The following PRKN variants were observed in gnomAD, a reference collection of about 807,000 sequenced individuals.
PRKN encodes E3 ubiquitin-protein ligase parkin.
A neutral mutation model predicts 59.5 loss-of-function variants in PRKN; 56 were observed. That is an observed-to-expected ratio of 0.94 (90% CI 0.76 to 1.18). The LOEUF is 1.18. PRKN is among the 50% of genes most tolerant of loss of function. The probability of loss-of-function intolerance (pLI) is 0.00; values close to 1 mark genes in which losing one functional copy is unlikely to be tolerated. For missense variants in PRKN, 657 were observed against 596.4 expected, an observed-to-expected ratio of 1.10 and a Z score of -1.06; for synonymous variants, 250 against 222.1, an observed-to-expected ratio of 1.13 and a Z score of -1.12.
intron 4 of PRKN, among the ~76,000 whole-genome samples, chr6:162,082,696 C>A (rs978947994): frequency 6.6e-6 from 1 of 152,004 alleles, no homozygotes; most frequent in Non-Finnish European, 1.5e-5. Context: ...GAGAGACGTG[C>A]CATTCCTCCT....
At chr6:161,789,157 A>C (rs1467591130) in intron 6 of PRKN, among the ~76,000 whole-genome samples, 1 of 152,194 alleles carries the variant, frequency 6.6e-6, no homozygotes, top group African/African-American at 2.4e-5. Context: ...AATAAACATG[A>C]CACCAATAAA....
intron 2 of PRKN, among the ~76,000 whole-genome samples, chr6:162,385,407 TC>T (rs1786749136): frequency 6.6e-6 from 1 of 152,172 alleles, no homozygotes; most frequent in South Asian, 2.1e-4. Flanking sequence ...ACAAAAACTT[TC>T]TCTATTACTT....
chr6:162,594,326 C>A (rs13204439), intron 1 of PRKN, among the ~76,000 whole-genome samples: 18,712 of 152,086 alleles, frequency 0.12, 1,259 homozygotes, highest in Middle Eastern at 0.21. Context: ...GTAAAGACTG[C>A]AAATTCTAAA....
rs914974931 is a variant in PRKN, at chr6:162,190,405, A to G, written c.534+10726T>C. On this transcript the variant is annotated intron_variant, in intron 4 of 11. Coordinates refer to ENST00000366898, the MANE Select transcript of PRKN (RefSeq NM_004562.3). ...TACTCTTTTCAGGGAAAGCCTGCAG[A>G]GTAAGTGTCAACTCTCCCTCAACCT... 3.3e-4 allele frequency among the ~76,000 whole-genome samples: 50 copies of G among 152,316 alleles called. 1 individual carries two copies. The highest frequency in any genetic ancestry group is 6.8e-3 in the Middle Eastern group (2 of 294).
chr6:162,725,297 G>T (rs1779100297), intron 1 of PRKN, among the ~76,000 whole-genome samples: 2 of 152,166 alleles, frequency 1.3e-5, no homozygotes, highest in African/African-American at 4.8e-5. Flanking sequence ...TTACATTTTA[G>T]TGATCACTGG....
At chr6:162,519,324 A>C (rs750736447) in intron 1 of PRKN, among the ~76,000 whole-genome samples, 38 of 152,280 alleles carry the variant, frequency 2.5e-4, no homozygotes, top group Middle Eastern at 3.4e-3. Flanking sequence ...GCTGCCTTCC[A>C]TGTTCCAAAG....
intron 1 of PRKN, chr6:162,569,566 C>T (rs1430426001): frequency 1.5e-5 from 11 of 717,416 alleles, no homozygotes; most frequent in Admixed American, 7.0e-5. Context: ...ATGGGGGTCT[C>T]ACAAGCCCTG....
chr6:162,235,946 G>GAAGGAAGGAAGGAAGA (rs1562602137), intron 3 of PRKN, among the ~76,000 whole-genome samples: 5 of 80,754 alleles, frequency 6.2e-5, no homozygotes, highest in African/African-American at 2.8e-4. Flanking sequence ...AGGAAGGAAG[G>GAAGGAAGGAAGGAAGA]AAGGAAGAAA....
chr6:161,826,571 T>C (rs921936436), intron 6 of PRKN, among the ~76,000 whole-genome samples: 1 of 152,206 alleles, frequency 6.6e-6, no homozygotes, highest in African/African-American at 2.4e-5. Context: ...TTTTCTCCTA[T>C]GGAAGGAGGT....
chr6:161,604,532 C>T (rs1041527166), intron 7 of PRKN, among the ~76,000 whole-genome samples: 3 of 152,190 alleles, frequency 2.0e-5, no homozygotes, highest in African/African-American at 7.2e-5. Context: ...GGAGTTTATT[C>T]AGCTGGAGGA....
At chr6:161,946,414 A>ACACACACTCTCTCT (rs1247187053) in intron 6 of PRKN, among the ~76,000 whole-genome samples, 34 of 114,370 alleles carry the variant, frequency 3.0e-4, no homozygotes, top group African/African-American at 1.2e-3. Context: ...ACACACACAC[A>ACACACACTCTCTCT]CTCTCTCTCT....
Position 161,417,457 on chromosome 6 carries a change from A to AG in PRKN, c.1084-30581_1084-30580insC, listed in dbSNP as rs1313420640. 1.3e-5 allele frequency among the ~76,000 whole-genome samples: 2 copies of AG among 151,874 alleles called. No homozygotes were observed. The highest frequency in any genetic ancestry group is 2.9e-5 in the Non-Finnish European group (2 of 67,992). On this transcript the variant is annotated intron_variant, in intron 9 of 11. Transcript: ENST00000366898. This position sits in a 1 kb window ranked among gnomAD's most constrained non-coding sequence, Gnocchi z 5.4. ...GAGCCAGACGCCGTTTCAAAAAAAAAAAAAAAAAGTCATCTAATGCCTCCA... is the reference window on the plus strand; with the variant it reads ...GAGCCAGACGCCGTTTCAAAAAAAAAGAAAAAAAAGTCATCTAATGCCTCCA...
chr6:162,508,142 G>A (rs1363627598), intron 1 of PRKN, among the ~76,000 whole-genome samples: 2 of 152,126 alleles, frequency 1.3e-5, no homozygotes, highest in Non-Finnish European at 2.9e-5. Context: ...ACATGGCAGC[G>A]GCAAGAGAAA....
intron 3 of PRKN, among the ~76,000 whole-genome samples, chr6:162,215,990 A>C (rs1353012231): frequency 6.6e-6 from 1 of 152,028 alleles, no homozygotes; most frequent in African/African-American, 2.4e-5. Context: ...CAGAGGTAGC[A>C]GTGAGCAAGA....
chr6:162,443,285 A>G lies in PRKN; in HGVS notation c.171+25T>C, dbSNP rs2075923. The G allele has an allele frequency of 0.24, 383,859 of 1,610,726 alleles. 47,351 individuals carry two copies. Among genetic ancestry groups the G allele is most frequent in the African/African-American group, 0.39 (29,324 of 74,850 alleles). On this transcript the variant is annotated intron_variant, in intron 2 of 11. Coordinates refer to ENST00000366898, the MANE Select transcript of PRKN (RefSeq NM_004562.3). ...GAGCAATGGAGCTGGCGGCATCCCA[A>G]GAACGGCCGCCAAGGGAGACTCACC...
chr6:162,272,992 T>C (rs1398966063), intron 2 of PRKN, among the ~76,000 whole-genome samples: 1 of 130,928 alleles, frequency 7.6e-6, no homozygotes, highest in Non-Finnish European at 1.6e-5. Flanking sequence ...AGAGTAAGCC[T>C]GTGTCTGAAA....
intron 5 of PRKN, among the ~76,000 whole-genome samples, chr6:162,011,322 A>AT (rs1279664070): frequency 1.2e-3 from 13 of 10,826 alleles, no homozygotes; most frequent in Admixed American, 5.5e-3. Context: ...ATATTTTTAT[A>AT]ATATATATAA....
At chr6:161,465,486 T>C (rs377646308) in intron 9 of PRKN, among the ~76,000 whole-genome samples, 211 of 152,040 alleles carry the variant, frequency 1.4e-3, no homozygotes, top group African/African-American at 4.9e-3. Flanking sequence ...GGGGATTTTT[T>C]TTTTTTTACT....
rs577076052 is a variant in PRKN at position 161,863,466 on chromosome 6, C to T, written c.735-77558G>A. ...ATAATTTATGTTTAACAAGTATGCC[C>T]CCTTATTCCTGTGTGTGTACTGTAC... On this transcript the variant is annotated intron_variant, in intron 6 of 11. Transcript: ENST00000366898. Among the ~76,000 whole-genome samples, 5 of 152,178 alleles carry T rather than the reference C, an allele frequency of 3.3e-5. No individual in the cohort carries two copies. In the South Asian group the frequency reaches 1.0e-3, roughly 32 times the overall value.
Sources: allele counts gnomAD v4.1 joint callset (sites outside exome capture counted in the v4.1 genomes callset), GRCh38; gene constraint gnomAD v4.1.1; non-coding constraint Gnocchi (gnomAD v3.1); transcripts MANE v1.5; gene names NCBI Gene and HGNC (gene_info 2026-07-23, HGNC 2026-07-21).